The following BRWD1 variants were observed in gnomAD, a reference collection of about 807,000 sequenced individuals.
BRWD1 encodes the protein bromodomain and WD repeat domain containing 1, also known as bromodomain and WD repeat-containing protein 1.
Under a neutral mutation model 251.2 loss-of-function variants are expected in BRWD1, and 82 were observed. That is an observed-to-expected ratio of 0.33 (90% confidence interval 0.27 to 0.39). The LOEUF is 0.39. Among genes scored for constraint, BRWD1 ranks in the 10% least tolerant of loss-of-function variants. The probability of loss-of-function intolerance (pLI) is 1.00; values close to 1 mark genes in which losing one functional copy is unlikely to be tolerated. For missense variants in BRWD1, 2,233 were observed against 2,711.6 expected, an observed-to-expected ratio of 0.82 and a Z score of 3.92; for synonymous variants, 918 against 902.8, an observed-to-expected ratio of 1.02 and a Z score of -0.30.
At chr21:39,214,232 A>G (rs1472302293) in intron 32 of BRWD1, among the ~76,000 whole-genome samples, 1 of 152,172 alleles carries the variant, frequency 6.6e-6, no homozygotes, top group Admixed American at 6.5e-5. Context: ...ACTAGAATAG[A>G]GCAGACTAGA....
intron 26 of BRWD1, among the ~76,000 whole-genome samples, 185 bp from the exon 27 acceptor site, chr21:39,228,767 A>G (rs1046094017): frequency 1.6e-4 from 23 of 140,062 alleles, no homozygotes; most frequent in Admixed American, 1.3e-3. Context: ...TATTATTTCA[A>G]TATGTTATCA....
chr21:39,207,997 G>A (rs1159763990), intron 36 of BRWD1, among the ~76,000 whole-genome samples: 4 of 152,182 alleles, frequency 2.6e-5, no homozygotes, highest in Admixed American at 2.6e-4. Flanking sequence ...AGGACTGGGG[G>A]TGAGGGGAAA....
At position 39,255,774 on chromosome 21, in the gene BRWD1, C is replaced by T. The variant is rs758598906; in HGVS notation, c.2126G>A (p.Arg709His). The change falls in exon 19 of 41, where the codon CGT (arginine) becomes CAT (histidine). Residue 709 changes from arginine (R) to histidine (H), a missense_variant. Around this residue, in one of 12 missense-constraint regions of BRWD1, gnomAD observed 35 missense variants for 76.3 expected, o/e 0.46. Transcript: ENST00000342449. ...IQSPPNIGLR[R>H]SGQVEGVRQM... ...ACGAACACCTTCAACTTGTCCACTA[C>T]GACGCAGACCAATATTTGGAGGGGA... The T allele has an allele frequency of 5.6e-6, 9 of 1,614,130 alleles. No individual in the cohort carries two copies. Among genetic ancestry groups the T allele is most frequent in the Non-Finnish European group, 7.6e-6 (9 of 1,180,010 alleles).
At chr21:39,233,131 C>T (rs997067687) in intron 23 of BRWD1, among the ~76,000 whole-genome samples, 1 of 152,056 alleles carries the variant, frequency 6.6e-6, no homozygotes, top group Non-Finnish European at 1.5e-5. Flanking sequence ...TGAAAATCAA[C>T]ACTCAAGCAG....
intron 29 of BRWD1, among the ~76,000 whole-genome samples, chr21:39,220,005 T>C (rs1315606296): frequency 6.6e-6 from 1 of 152,062 alleles, no homozygotes; most frequent in Non-Finnish European, 1.5e-5. Flanking sequence ...GGAAAGACGC[T>C]GTACAGGCAG....
At chr21:39,307,515 T>C (rs1034401515) in intron 4 of BRWD1, among the ~76,000 whole-genome samples, 37 of 152,174 alleles carry the variant, frequency 2.4e-4, no homozygotes, top group Non-Finnish European at 5.0e-4. Flanking sequence ...GTGAATACAT[T>C]TGTACTTTCC....
intron 21 of BRWD1, among the ~76,000 whole-genome samples, chr21:39,242,681 C>T (rs928718642): frequency 2.0e-5 from 3 of 152,196 alleles, no homozygotes; most frequent in African/African-American, 7.2e-5. Context: ...CAGGCTCACT[C>T]TCTTGTTAGG....
chr21:39,296,980 G>C, intron 5 of BRWD1: 6 of 985,070 alleles, frequency 6.1e-6, no homozygotes, highest in Non-Finnish European at 7.2e-6. Flanking sequence ...CTATCTTTAG[G>C]AAGTACCAAT....
intron 29 of BRWD1, chr21:39,219,312 T>C (rs2033078583): frequency 6.6e-6 from 1 of 152,112 alleles, no homozygotes; most frequent in Non-Finnish European, 1.5e-5. Flanking sequence ...TCCCAGCTAC[T>C]AAGGAGACTG....
Position 39,313,510 on chromosome 21 carries a change from A to G in BRWD1, c.-19T>C. The G allele has an allele frequency of 8.3e-7, 1 of 1,200,258 alleles. No homozygotes were observed. Among genetic ancestry groups the G allele is most frequent in the South Asian group, 2.1e-5 (1 of 48,302 alleles). 74.4% of individuals were successfully genotyped at this position (1,200,258 alleles called of 1,614,324 possible). ...CCGCCATGGCCGGGCGCGGGGCGGG[A>G]GGCGGGAGCGAGCGAGCGAGCGGAG... On this transcript the variant is annotated 5_prime_UTR_variant, in exon 1 of 41. Transcript: ENST00000342449.
At chr21:39,205,117 G>T (rs1390416199) in intron 37 of BRWD1, among the ~76,000 whole-genome samples, 1 of 152,076 alleles carries the variant, frequency 6.6e-6, no homozygotes, top group Non-Finnish European at 1.5e-5. Flanking sequence ...TAAAACCCAT[G>T]ACTAGTCTTT....
Position 39,241,236 on chromosome 21 carries a change from C to G in BRWD1, c.2482-2663G>C, listed in dbSNP as rs62223008. 9.3e-3 allele frequency among the ~76,000 whole-genome samples: 1,408 copies of G among 151,746 alleles called. 13 individuals carry two copies. Among genetic ancestry groups the G allele is most frequent in the Non-Finnish European group, 0.015 (988 of 67,898 alleles). ...ATCCCAGCATTTTGGGAGACCAAGT[C>G]GGGCAGATCACTTGAGGTCAGGAGT... On this transcript the variant is annotated intron_variant, in intron 21 of 40. Coordinates refer to ENST00000342449, the MANE Select transcript of BRWD1 (RefSeq NM_033656.4).
intron 37 of BRWD1, among the ~76,000 whole-genome samples, chr21:39,204,453 A>G (rs560911748): frequency 2.0e-5 from 3 of 152,278 alleles, no homozygotes; most frequent in South Asian, 4.1e-4. Context: ...TCTAAACTAC[A>G]TAGTCAAAGA....
intron 8 of BRWD1, among the ~76,000 whole-genome samples, chr21:39,288,172 A>G (rs1783309234): frequency 6.6e-6 from 1 of 152,244 alleles, no homozygotes; most frequent in African/African-American, 2.4e-5. Flanking sequence ...ACCTTTCCAT[A>G]GGGCAGTTTG....
rs375430016 is a variant in BRWD1, at chr21:39,248,641, CAAAAAAAAAAAAAAA to C, written c.2350-824_2350-810del. Among the ~76,000 whole-genome samples, 29 of 83,300 alleles carry C rather than the reference CAAAAAAAAAAAAAAA, an allele frequency of 3.5e-4. 1 individual carries two copies. The highest frequency in any genetic ancestry group is 9.2e-4 in the Admixed American group (7 of 7,620). The allele number at this position is 83,300 out of a possible 152,430, so 54.6% of individuals were successfully genotyped here. A position where few individuals can be genotyped will look rare whatever the true frequency, so the allele number is the denominator to read the frequency against. On this transcript the variant is annotated intron_variant, in intron 20 of 40. Transcript: ENST00000342449. ...TGGGCAAGAGTGAGACCCTATCTCC[CAAAAAAAAAAAAAAA>C]AAAAAAAAAAAAAAAAAAAAAAAAA...
Position 39,192,287 on chromosome 21 carries a change from T to G in BRWD1, c.*3972A>C. ...CTTTTCAATCCTTACTATTCACAGTTTGAGCTAGGAATTAACATTTGCTAA... is the reference window on the plus strand; with the variant it reads ...CTTTTCAATCCTTACTATTCACAGTGTGAGCTAGGAATTAACATTTGCTAA... On this transcript the variant is annotated 3_prime_UTR_variant, in exon 41 of 41. Transcript: ENST00000342449. 5 of 985,244 alleles carry G rather than the reference T, an allele frequency of 5.1e-6. No individual in the cohort carries two copies. The highest frequency in any genetic ancestry group is 6.0e-6 in the Non-Finnish European group (5 of 829,832). The allele number at this position is 985,244 out of a possible 1,614,324, so 61.0% of individuals were successfully genotyped here.
At position 39,190,709 on chromosome 21, in the gene BRWD1, C is replaced by G. The variant is rs1461192949; in HGVS notation, c.*5550G>C. ...CAAAAACATCCCATAAACTGAAGTA[C>G]CCCAATGGCTGTAGAATAAAATGGT... is the stretch of plus-strand genomic sequence containing the variant. On this transcript the variant is annotated 3_prime_UTR_variant, in exon 41 of 41. Coordinates refer to ENST00000342449, the MANE Select transcript of BRWD1 (RefSeq NM_033656.4). 5.5e-5 allele frequency: 54 copies of G among 985,252 alleles called. No homozygotes were observed. The Admixed American group carries it at 3.2e-3, about 58-fold the overall frequency. The allele number at this position is 985,252 out of a possible 1,614,324, so 61.0% of individuals were successfully genotyped here. A position where few individuals can be genotyped will look rare whatever the true frequency, so the allele number is the denominator to read the frequency against.
At chr21:39,199,724 CTA>C in intron 39 of BRWD1, 62 bp from the exon 40 acceptor site, 1 of 1,384,876 alleles carries the variant, frequency 7.2e-7, no homozygotes, top group Non-Finnish European at 9.8e-7. Context: ...TTTTAAATGA[CTA>C]TTATTTTAAT....
chr21:39,194,575 T>G lies in BRWD1; in HGVS notation c.*1684A>C, dbSNP rs919044318. On this transcript the variant is annotated 3_prime_UTR_variant, in exon 41 of 41. Coordinates refer to ENST00000342449, the MANE Select transcript of BRWD1 (RefSeq NM_033656.4). Reference sequence around the variant, plus strand: ...GTTTCCCACCTATCTCAGTTGATAATGTCCAAAAACATCCTTCCCCATGCA... The same window carrying G: ...GTTTCCCACCTATCTCAGTTGATAAGGTCCAAAAACATCCTTCCCCATGCA... 6.8e-7 allele frequency: 1 copy of G among 1,465,568 alleles called. No homozygotes were observed. Among genetic ancestry groups the G allele is most frequent in the Non-Finnish European group, 9.0e-7 (1 of 1,113,458 alleles). The allele number at this position is 1,465,568 out of a possible 1,614,324, so 90.8% of individuals were successfully genotyped here. A position where few individuals can be genotyped will look rare whatever the true frequency, so the allele number is the denominator to read the frequency against.
Sources: allele counts gnomAD v4.1 joint callset (sites outside exome capture counted in the v4.1 genomes callset), GRCh38; gene constraint gnomAD v4.1.1; regional missense constraint gnomAD v4.1.1; transcripts MANE v1.5; gene names NCBI Gene and HGNC (gene_info 2026-07-23, HGNC 2026-07-21).